Variants in GLI3 observed in about 807,000 individuals in gnomAD.
GLI3 encodes GLI family zinc finger 3.
Under a neutral mutation model 100.8 loss-of-function variants are expected in GLI3, and 20 were observed. The observed-to-expected ratio is 0.20, with a 90% confidence interval of 0.14 to 0.29. The LOEUF is 0.29. Ranked by LOEUF, GLI3 falls within the 10% of genes least tolerant of loss-of-function variation. The pLI, the probability that GLI3 is intolerant of heterozygous loss-of-function variation, is 1.00. For synonymous variants in GLI3, 938 were observed against 860.5 expected (o/e 1.09, Z -1.58); for missense variants, 2,040 against 2,128.5 (o/e 0.96, Z 0.82).
intron 2 of GLI3, among the ~76,000 whole-genome samples, chr7:42,187,690 C>G (rs1787744898): frequency 6.6e-6 from 1 of 151,936 alleles, no homozygotes; most frequent in Non-Finnish European, 1.5e-5. Flanking sequence ...ACCCTAAATC[C>G]AATTAGTGGT....
intron 4 of GLI3, among the ~76,000 whole-genome samples, chr7:42,066,473 G>T (rs1356776929): frequency 1.3e-5 from 2 of 151,994 alleles, no homozygotes; most frequent in Non-Finnish European, 2.9e-5. Context: ...AGGTGGGGAG[G>T]TTAACACAAA....
chr7:42,087,714 C>CT (rs10574635), intron 3 of GLI3, among the ~76,000 whole-genome samples: 28,908 of 145,714 alleles, frequency 0.2, 3,048 homozygotes, highest in Admixed American at 0.34. Flanking sequence ...CCACCACCTA[C>CT]TTTTTTTTTT....
At chr7:42,200,513 C>A (rs369741607) in intron 2 of GLI3, among the ~76,000 whole-genome samples, 5 of 152,016 alleles carry the variant, frequency 3.3e-5, no homozygotes, top group African/African-American at 1.2e-4. Flanking sequence ...TTTTAAAGTG[C>A]CTTTGAAGGA....
chr7:42,089,577 A>C (rs566378259), intron 3 of GLI3, among the ~76,000 whole-genome samples: 1 of 152,316 alleles, frequency 6.6e-6, no homozygotes, highest in African/African-American at 2.4e-5. Context: ...AATACTCAGC[A>C]CACTGAATGA....
upstream of GLI3, chr7:42,237,976 T>TCCGCCGCCGCCGCCGCCGCCGCCG (rs1206993639): frequency 1.7e-4 from 24 of 145,338 alleles, no homozygotes; most frequent in African/African-American, 4.9e-4. Context: ...CTCCCCGCCC[T>TCCGCCGCCGCCGCCGCCGCCGCCG]CCGCCGCCGC....
chr7:42,156,547 T>C (rs187985704), intron 2 of GLI3, among the ~76,000 whole-genome samples: 1 of 152,222 alleles, frequency 6.6e-6, no homozygotes, highest in Non-Finnish European at 1.5e-5. Flanking sequence ...CATACAGACC[T>C]GAGCAGTTAA....
At chr7:42,116,430 A>G (rs973220264) in intron 3 of GLI3, among the ~76,000 whole-genome samples, 1 of 151,718 alleles carries the variant, frequency 6.6e-6, no homozygotes, top group Admixed American at 6.6e-5. Context: ...AACTAAATAA[A>G]CTGAAAAGCT....
At chr7:42,016,533 C>T (rs1171920509) in intron 10 of GLI3, among the ~76,000 whole-genome samples, 2 of 152,144 alleles carry the variant, frequency 1.3e-5, no homozygotes, top group East Asian at 3.9e-4. Context: ...AATTCCCTCA[C>T]CGTTTTATGT....
chr7:42,049,538 G>A (rs753478848), intron 4 of GLI3, among the ~76,000 whole-genome samples: 49 of 152,160 alleles, frequency 3.2e-4, no homozygotes, highest in African/African-American at 7.2e-4. Flanking sequence ...CCCTTGCGTC[G>A]GTTATAATGA....
intron 4 of GLI3, among the ~76,000 whole-genome samples, chr7:42,056,950 C>G (rs1031227601): frequency 6.7e-6 from 1 of 149,204 alleles, no homozygotes; most frequent in Non-Finnish European, 1.5e-5. Flanking sequence ...CCATTGCACT[C>G]CAGCCAGGGC....
intron 10 of GLI3, among the ~76,000 whole-genome samples, chr7:42,016,529 C>G (rs1431074826): frequency 2.0e-5 from 3 of 152,122 alleles, no homozygotes; most frequent in Non-Finnish European, 4.4e-5. Context: ...AGCTAATTCC[C>G]TCACCGTTTT....
At chr7:42,128,850 C>T (rs566612779) in intron 3 of GLI3, among the ~76,000 whole-genome samples, 12 of 152,226 alleles carry the variant, frequency 7.9e-5, no homozygotes, top group East Asian at 1.9e-4. Context: ...CATTTCCACT[C>T]CCATTTTAGA....
At chr7:42,113,405 A>C (rs771573849) in intron 3 of GLI3, 18 of 709,570 alleles carry the variant, frequency 2.5e-5, no homozygotes, top group Non-Finnish European at 4.2e-5. Context: ...GAAGGAGATG[A>C]AGCCAAGGTG....
intron 4 of GLI3, among the ~76,000 whole-genome samples, chr7:42,049,010 G>C (rs909429144): frequency 1.3e-5 from 2 of 151,856 alleles, no homozygotes. Context: ...CAGGCAACTG[G>C]GCTTAAAGTG....
intron 2 of GLI3, among the ~76,000 whole-genome samples, chr7:42,188,407 C>T (rs907807518): frequency 6.6e-6 from 1 of 152,054 alleles, no homozygotes; most frequent in African/African-American, 2.4e-5. Context: ...TGTATTAAAC[C>T]CTTAACATGT....
chr7:42,246,600 C>G (rs1015151948), intron 1 of GLI3, among the ~76,000 whole-genome samples: 2 of 149,130 alleles, frequency 1.3e-5, no homozygotes, highest in Admixed American at 1.4e-4. Flanking sequence ...AAGAGCAGAA[C>G]TGTACATACA....
At chr7:42,143,190 C>G (rs914899109) in intron 3 of GLI3, among the ~76,000 whole-genome samples, 1 of 152,136 alleles carries the variant, frequency 6.6e-6, no homozygotes, top group African/African-American at 2.4e-5. Context: ...CCTAGCAAAG[C>G]CCCCAGGGTG....
chr7:41,967,608 G>C lies in GLI3; in HGVS notation c.2419C>G (p.Leu807Val). Residue 807 changes from leucine to valine, a missense_variant, in exon 14 of 15, where the codon CTC (leucine) becomes GTC (valine). By Grantham distance (32) the Leu-to-Val change is conservative. Around this residue, in one of 5 missense-constraint regions of GLI3, gnomAD observed 327 missense variants for 338.7 expected, o/e 0.97. Coordinates refer to ENST00000395925, the MANE Select transcript of GLI3 (RefSeq NM_000168.6). ...ATGTAGAACTCACCATTTCCTATGA[G>C]AGGAGAGACCGCAGGGGCTTTAGGG... is the stretch of plus-strand genomic sequence containing the variant. ...LPPKAPAVSP[L>V]IGNGTQSNNT... 1 of 1,612,242 alleles carries C rather than the reference G, an allele frequency of 6.2e-7. No individual in the cohort carries two copies. Among genetic ancestry groups the C allele is most frequent in the East Asian group, 2.2e-5 (1 of 44,860 alleles).
intron 10 of GLI3, among the ~76,000 whole-genome samples, chr7:42,011,675 G>T (rs1380086224): frequency 2.0e-5 from 3 of 152,182 alleles, no homozygotes; most frequent in African/African-American, 7.2e-5. Context: ...GTCACATTTT[G>T]TATGATTTCA....
Sources: allele counts gnomAD v4.1 joint callset (sites outside exome capture counted in the v4.1 genomes callset), GRCh38; gene constraint gnomAD v4.1.1; regional missense constraint gnomAD v4.1.1; transcripts MANE v1.5; gene names NCBI Gene and HGNC (gene_info 2026-07-23, HGNC 2026-07-21).